Variants in PTPMT1 observed in about 807,000 individuals in gnomAD.
PTPMT1 encodes the protein phosphatidylglycerophosphatase and protein-tyrosine phosphatase 1.
PTPMT1 carries 12 observed loss-of-function variants against 17.8 expected under a neutral mutation model. The ratio of observed to expected loss-of-function variants is 0.67; its 90% confidence interval spans 0.43 to 1.09. PTPMT1 has a LOEUF of 1.09. Ranked by LOEUF, PTPMT1 falls within the 50% of genes least tolerant of loss-of-function variation. PTPMT1 has a pLI of 0.00. For synonymous variants in PTPMT1, 132 were observed against 116.8 expected (o/e 1.13, Z -0.84); for missense variants, 262 against 266.0 (o/e 0.99, Z 0.10).
Position 47,572,244 on chromosome 11 carries a change from T to C in PTPMT1, c.*615T>C, listed in dbSNP as rs1043378671. ...TATCAACAGTTCCTAGCTCTTGACT[T>C]AGCTTAGAGCTTTTAAAAGAGCAGA... On this transcript the variant is annotated 3_prime_UTR_variant, in exon 4 of 4. Transcript: ENST00000326674. 1 of 152,882 alleles carries C rather than the reference T, an allele frequency of 6.5e-6. No individual in the cohort carries two copies. The highest frequency in any genetic ancestry group is 2.4e-5 in the African/African-American group (1 of 41,472). 9.5% of individuals were successfully genotyped at this position (152,882 alleles called of 1,614,324 possible).
rs1175125330 is a variant in PTPMT1 at position 47,571,625 on chromosome 11, CATG to C, written c.606_*2del. ...GATGGGACTTTTGTCATTTCAAAGA[CATG>C]ATGTATGGGGATTAGAAAGAACTCA... On this transcript the variant is annotated stop_lost and inframe_deletion, in exon 4 of 4. Transcript: ENST00000326674. The C allele has an allele frequency of 6.2e-7, 1 of 1,613,920 alleles. No homozygotes were observed. Among genetic ancestry groups the C allele is most frequent in the East Asian group, 2.2e-5 (1 of 44,854 alleles).
chr11:47,570,056 G>T (rs1340686622), intron 3 of PTPMT1, among the ~76,000 whole-genome samples, 165 bp downstream of exon 3: 1 of 152,084 alleles, frequency 6.6e-6, no homozygotes, highest in Non-Finnish European at 1.5e-5. Context: ...GCTCAGTGTG[G>T]TGGTGTGCAC....
In PTPMT1 at chr11:47,565,807, C is replaced by A. The variant is rs2097242776; in HGVS notation, c.174+11C>A. 6.3e-7 allele frequency: 1 copy of A among 1,582,680 alleles called. No individual in the cohort carries two copies. Among genetic ancestry groups the A allele is most frequent in the Non-Finnish European group, 8.6e-7 (1 of 1,165,596 alleles). ...AGCTTGACGCGCCAGGTGAGCCGGGCCGGGGAGCCCGGGCCCCTGCCCCGT... is the reference window on the plus strand; with the variant it reads ...AGCTTGACGCGCCAGGTGAGCCGGGACGGGGAGCCCGGGCCCCTGCCCCGT... On this transcript the variant is annotated intron_variant, in intron 1 of 3. Transcript: ENST00000326674.
At position 47,572,932 on chromosome 11, in the gene PTPMT1, A is replaced by C; in HGVS notation, c.*1303A>C. 5.6e-6 allele frequency: 9 copies of C among 1,612,056 alleles called. No individual in the cohort carries two copies. The highest frequency in any genetic ancestry group is 5.9e-6 in the Non-Finnish European group (7 of 1,178,626). Reference sequence around the variant, plus strand: ...GTTCTCCTCCCCTCCCCACAGCCTTAGGCCAACACAAACTGCAAATTGGTA... The same window carrying C: ...GTTCTCCTCCCCTCCCCACAGCCTTCGGCCAACACAAACTGCAAATTGGTA... On this transcript the variant is annotated 3_prime_UTR_variant, in exon 4 of 4. Coordinates refer to ENST00000326674, the MANE Select transcript of PTPMT1 (RefSeq NM_175732.3).
chr11:47,570,958 C>CA (rs2097249297), intron 3 of PTPMT1, among the ~76,000 whole-genome samples: 1 of 152,158 alleles, frequency 6.6e-6, no homozygotes, highest in African/African-American at 2.4e-5. Context: ...ATTGAACTAG[C>CA]AAGTTAGAAA....
In PTPMT1 at chr11:47,573,187, T is replaced by C. The variant is rs771134541; in HGVS notation, c.*1558T>C. The C allele has an allele frequency of 1.2e-6, 2 of 1,614,174 alleles. No individual in the cohort carries two copies. The highest frequency in any genetic ancestry group is 1.1e-5 in the South Asian group (1 of 91,080). On this transcript the variant is annotated 3_prime_UTR_variant, in exon 4 of 4. Transcript: ENST00000326674. The surrounding 1 kb of genome is among the most constrained non-coding windows in gnomAD (Gnocchi z 4.1). ...ACCAGGGAGTCCCCTTCAGCCACGA[T>C]GAACACCAGATCTTTATGCACAGCT...
chr11:47,569,961 G>C, intron 3 of PTPMT1, 70 bp downstream of exon 3: 2 of 1,269,500 alleles, frequency 1.6e-6, no homozygotes, highest in Non-Finnish European at 2.2e-6. Context: ...GGAGGCTTGA[G>C]ATGGGAGGAT....
rs550542926 is a variant in PTPMT1 at position 47,565,815 on chromosome 11, C to A, written c.174+19C>A. The A allele has an allele frequency of 1.9e-6, 3 of 1,586,406 alleles. No individual in the cohort carries two copies. The highest frequency in any genetic ancestry group is 2.3e-5 in the East Asian group (1 of 43,004). ...GCGCCAGGTGAGCCGGGCCGGGGAGCCCGGGCCCCTGCCCCGTCCCCGCCG... is the reference window on the plus strand; with the variant it reads ...GCGCCAGGTGAGCCGGGCCGGGGAGACCGGGCCCCTGCCCCGTCCCCGCCG... On this transcript the variant is annotated intron_variant, in intron 1 of 3. Coordinates refer to ENST00000326674, the MANE Select transcript of PTPMT1 (RefSeq NM_175732.3).
In PTPMT1 at chr11:47,572,886, G is replaced by A. The variant is rs1233237798; in HGVS notation, c.*1257G>A. On this transcript the variant is annotated 3_prime_UTR_variant, in exon 4 of 4. Coordinates refer to ENST00000326674, the MANE Select transcript of PTPMT1 (RefSeq NM_175732.3). ...GCCCAGGGGACTTTGAGTTTGTATG[G>A]GGAGGGAAAAGGAGTGAGCAGTTCT... 1.3e-6 allele frequency: 2 copies of A among 1,571,528 alleles called. No homozygotes were observed. Among genetic ancestry groups the A allele is most frequent in the African/African-American group, 1.4e-5 (1 of 73,712 alleles).
chr11:47,565,842 T>C (rs762676270), intron 1 of PTPMT1, 46 bp downstream of exon 1: 1 of 1,603,962 alleles, frequency 6.2e-7, no homozygotes, highest in East Asian at 2.3e-5. Context: ...TCCCCGCCGC[T>C]CCGTCCCTGT....
intron 3 of PTPMT1, 76 bp from the exon 4 acceptor site, chr11:47,571,395 C>T: frequency 2.3e-6 from 3 of 1,308,268 alleles, no homozygotes; most frequent in South Asian, 2.6e-5. Flanking sequence ...AGTCCTTTAG[C>T]ACCTGCTCAT....
chr11:47,569,921 G>T (rs760953353), intron 3 of PTPMT1, 30 bp downstream of exon 3: 1 of 1,572,624 alleles, frequency 6.4e-7, no homozygotes, highest in Non-Finnish European at 8.7e-7. Context: ...GCTGGGCATC[G>T]TGGTACACAC....
At position 47,569,791 on chromosome 11, in the gene PTPMT1, A is replaced by G. The variant is rs764984906; in HGVS notation, c.347A>G (p.Gln116Arg). Reference sequence around the variant, plus strand: ...TTGGACAACCTCCAGAAGGGAGTCCAATTTGCTCTCAAGTACCAGTCGCTG... The same window carrying G: ...TTGGACAACCTCCAGAAGGGAGTCCGATTTGCTCTCAAGTACCAGTCGCTG... ...PTLDNLQKGV[Q>R]FALKYQSLGQ... is the part of the protein sequence containing the mutation. Residue 116 changes from glutamine (Q) to arginine (R), a missense_variant, in exon 3 of 4, where the codon CAA (glutamine) becomes CGA (arginine). By Grantham distance (43) the Gln-to-Arg change is conservative. Coordinates refer to ENST00000326674, the MANE Select transcript of PTPMT1 (RefSeq NM_175732.3). 6.2e-7 allele frequency: 1 copy of G among 1,614,094 alleles called. No homozygotes were observed. Among genetic ancestry groups the G allele is most frequent in the East Asian group, 2.2e-5 (1 of 44,860 alleles).
Position 47,572,896 on chromosome 11 carries a change from A to G in PTPMT1, c.*1267A>G. 1 of 1,581,994 alleles carries G rather than the reference A, an allele frequency of 6.3e-7. No individual in the cohort carries two copies. ...CTTTGAGTTTGTATGGGGAGGGAAA[A>G]GGAGTGAGCAGTTCTCCTCCCCTCC... On this transcript the variant is annotated 3_prime_UTR_variant, in exon 4 of 4. Coordinates refer to ENST00000326674, the MANE Select transcript of PTPMT1 (RefSeq NM_175732.3).
In PTPMT1 at chr11:47,572,963, C is replaced by A. The variant is rs2153793350; in HGVS notation, c.*1334C>A. On this transcript the variant is annotated 3_prime_UTR_variant, in exon 4 of 4. Transcript: ENST00000326674. ...ACACAAACTGCAAATTGGTAAGCAGCACCTTAATACCTCTTGTGACAGTTA... is the reference window on the plus strand; with the variant it reads ...ACACAAACTGCAAATTGGTAAGCAGAACCTTAATACCTCTTGTGACAGTTA... The A allele has an allele frequency of 6.2e-7, 1 of 1,614,150 alleles. No individual in the cohort carries two copies. Among genetic ancestry groups the A allele is most frequent in the African/African-American group, 1.3e-5 (1 of 75,052 alleles).
intron 2 of PTPMT1, among the ~76,000 whole-genome samples, chr11:47,567,559 C>CTTTTTTTTTTT (rs370022255): frequency 2.9e-4 from 34 of 116,156 alleles, no homozygotes; most frequent in Non-Finnish European, 4.1e-4. Context: ...TATTTCTTTT[C>CTTTTTTTTTTT]TTTTTTTTTT....
intron 2 of PTPMT1, among the ~76,000 whole-genome samples, chr11:47,568,358 T>A (rs895106055): frequency 3.9e-5 from 6 of 152,022 alleles, no homozygotes; most frequent in Non-Finnish European, 5.9e-5. Flanking sequence ...GCTGAATCAC[T>A]ACACAGGTGC....
At position 47,573,055 on chromosome 11, in the gene PTPMT1, C is replaced by T; in HGVS notation, c.*1426C>T. ...CCCTTTTTATATCGGTCCCGGAAGA[C>T]ATAGATGCTCCCGTTACAGCTGGCA... On this transcript the variant is annotated 3_prime_UTR_variant, in exon 4 of 4. Transcript: ENST00000326674. This position sits in a 1 kb window ranked among gnomAD's most constrained non-coding sequence, Gnocchi z 4.1. 6.2e-7 allele frequency: 1 copy of T among 1,614,158 alleles called. No individual in the cohort carries two copies. The highest frequency in any genetic ancestry group is 8.5e-7 in the Non-Finnish European group (1 of 1,180,044).
chr11:47,567,919 A>AT (rs2097247171), intron 2 of PTPMT1, among the ~76,000 whole-genome samples: 1 of 151,550 alleles, frequency 6.6e-6, no homozygotes, highest in African/African-American at 2.4e-5. Context: ...TTTTAATTTT[A>AT]TTTTTGTTTT....
Sources: gnomAD v4.1 joint callset for allele counts (sites outside exome capture counted in the v4.1 genomes callset) on GRCh38, gnomAD v4.1.1 for gene constraint, Gnocchi (gnomAD v3.1) non-coding constraint, MANE v1.5 for transcripts, NCBI Gene and HGNC (gene_info 2026-07-23, HGNC 2026-07-21) for gene names.